Variants in CDC42BPA observed in about 807,000 individuals in gnomAD.
CDC42BPA encodes CDC42 binding protein kinase alpha.
In CDC42BPA, 80 loss-of-function variants were observed where a neutral mutation model predicts 223.5. That is an observed-to-expected ratio of 0.36 (90% CI 0.30 to 0.43). The LOEUF (loss-of-function observed/expected upper bound fraction) is 0.43, where lower values mean the gene tolerates loss of function less well. CDC42BPA is among the 20% of genes least tolerant of loss of function. The pLI is 1.00. For missense variants in CDC42BPA, 1,743 were observed against 2,099.9 expected (o/e 0.83, Z 3.32); for synonymous variants, 694 against 718.6 (o/e 0.97, Z 0.55).
chr1:227,213,250 A>G (rs751680738), intron 2 of CDC42BPA, 31 bp from the exon 3 acceptor site: 3 of 1,110,366 alleles, frequency 2.7e-6, no homozygotes, highest in Non-Finnish European at 3.9e-6. Context: ...ATAAATTTTA[A>G]AATAATGACA....
rs1478876583 is a variant in CDC42BPA at position 227,317,557 on chromosome 1, G to C, written c.-375C>G. Reference sequence around the variant, plus strand: ...TTCTCCTTCATTCAAAATTCAACTCGTGCAACGTAATCCTGAAACGAATCC... The same window carrying C: ...TTCTCCTTCATTCAAAATTCAACTCCTGCAACGTAATCCTGAAACGAATCC... On this transcript the variant is annotated 5_prime_UTR_variant, in exon 1 of 37. Coordinates refer to ENST00000366766, the MANE Select transcript of CDC42BPA (RefSeq NM_001394014.1). 5.1e-6 allele frequency: 2 copies of C among 395,268 alleles called. No homozygotes were observed. Among genetic ancestry groups the C allele is most frequent in the Admixed American group, 4.5e-5 (1 of 22,396 alleles). 24.5% of individuals were successfully genotyped at this position (395,268 alleles called of 1,614,324 possible).
intron 34 of CDC42BPA, among the ~76,000 whole-genome samples, chr1:227,006,947 T>TAA (rs1178778643): frequency 1.8e-5 from 2 of 109,394 alleles, no homozygotes; most frequent in South Asian, 3.0e-4. Context: ...TGAGACTCCG[T>TAA]CTCAACAACA....
At chr1:227,186,516 G>T (rs1668795408) in intron 5 of CDC42BPA, among the ~76,000 whole-genome samples, 1 of 152,152 alleles carries the variant, frequency 6.6e-6, no homozygotes, top group African/African-American at 2.4e-5. Context: ...AAGGCAGGAA[G>T]GGAGGTACAG....
chr1:227,234,759 C>G (rs561680137), intron 2 of CDC42BPA: 1 of 152,368 alleles, frequency 6.6e-6, no homozygotes, highest in South Asian at 2.1e-4. Context: ...CCTCACTACA[C>G]GCCTTCCTAC....
intron 16 of CDC42BPA, among the ~76,000 whole-genome samples, chr1:227,085,205 A>G (rs1169476037): frequency 6.6e-6 from 1 of 150,654 alleles, no homozygotes; most frequent in Non-Finnish European, 1.5e-5. Flanking sequence ...CCCCACATAC[A>G]CTCACTCTAT....
chr1:227,148,772 C>CAAAAAAAAAAAAAA (rs57635319), intron 6 of CDC42BPA, among the ~76,000 whole-genome samples: 4 of 78,786 alleles, frequency 5.1e-5, no homozygotes, highest in African/African-American at 1.7e-4. Flanking sequence ...GTCTCAAAAG[C>CAAAAAAAAAAAAAA]AAAAAAAAAA....
intron 2 of CDC42BPA, among the ~76,000 whole-genome samples, chr1:227,216,479 G>C (rs938570571): frequency 1.3e-5 from 2 of 152,194 alleles, no homozygotes; most frequent in African/African-American, 4.8e-5. Flanking sequence ...AATAAGGTGA[G>C]TGTGGTGAAA....
chr1:227,102,569 T>G (rs997098905), intron 14 of CDC42BPA, among the ~76,000 whole-genome samples: 15 of 152,124 alleles, frequency 9.9e-5, no homozygotes, highest in African/African-American at 3.6e-4. Flanking sequence ...GGCAGCAGCA[T>G]GTACAGTAAG....
chr1:227,104,408 T>A (rs1415574291), intron 14 of CDC42BPA, among the ~76,000 whole-genome samples: 1 of 152,182 alleles, frequency 6.6e-6, no homozygotes, highest in Non-Finnish European at 1.5e-5. Context: ...TTATAATCAC[T>A]AAAATTATGT....
intron 1 of CDC42BPA, among the ~76,000 whole-genome samples, chr1:227,305,413 A>C (rs114401977): frequency 6.6e-6 from 1 of 152,138 alleles, no homozygotes; most frequent in African/African-American, 2.4e-5. Flanking sequence ...ACATTTGTAT[A>C]ATGTCTGCAT....
intron 23 of CDC42BPA, among the ~76,000 whole-genome samples, chr1:227,040,498 T>C (rs1463105544): frequency 1.3e-5 from 2 of 152,138 alleles, no homozygotes; most frequent in South Asian, 2.1e-4. Context: ...AAATAAACAA[T>C]AGCTTTTTTG....
At chr1:227,209,169 G>A (rs1410020168) in intron 3 of CDC42BPA, among the ~76,000 whole-genome samples, 2 of 134,096 alleles carry the variant, frequency 1.5e-5, no homozygotes, top group African/African-American at 5.9e-5. Flanking sequence ...TCTGTTGTTG[G>A]TGTATAAGAA....
intron 24 of CDC42BPA, among the ~76,000 whole-genome samples, chr1:227,039,682 C>T (rs1461604724): frequency 6.6e-6 from 1 of 151,454 alleles, no homozygotes; most frequent in Non-Finnish European, 1.5e-5. Flanking sequence ...GTTCCATAAA[C>T]ATGTGATGAA....
intron 16 of CDC42BPA, among the ~76,000 whole-genome samples, chr1:227,089,833 G>A (rs1682754515): frequency 6.6e-6 from 1 of 151,924 alleles, no homozygotes; most frequent in Non-Finnish European, 1.5e-5. Flanking sequence ...GGCTAACAAT[G>A]AAATTAAACC....
chr1:227,077,766 G>A (rs1679805566), intron 17 of CDC42BPA, among the ~76,000 whole-genome samples: 2 of 151,982 alleles, frequency 1.3e-5, no homozygotes, highest in South Asian at 4.1e-4. Context: ...CCCAAGGGTG[G>A]TTACCCCTCT....
At chr1:227,156,423 AAAGACTTTGAGAGGCCTGCCATAGGCC>A (rs1662802407) in intron 6 of CDC42BPA, among the ~76,000 whole-genome samples, 1 of 2,460 alleles carries the variant, frequency 4.1e-4, no homozygotes, top group African/African-American at 5.2e-3. Context: ...CCAAAGTCTC[AAAGACTTTGAGAGGCCTGCCATAGGCC>A]TCTCAAAGAC....
At chr1:227,036,358 C>T (rs12405686) in intron 24 of CDC42BPA, among the ~76,000 whole-genome samples, 23,317 of 151,516 alleles carry the variant, frequency 0.15, 2,179 homozygotes, top group African/African-American at 0.25. Context: ...AATGATCCTC[C>T]TGTCTTAGCC....
At chr1:227,222,189 GC>G (rs1466277882) in intron 2 of CDC42BPA, among the ~76,000 whole-genome samples, 1 of 151,744 alleles carries the variant, frequency 6.6e-6, no homozygotes, top group African/African-American at 2.4e-5. Context: ...CTGCACTCCA[GC>G]CTGGGTGACA....
intron 2 of CDC42BPA, among the ~76,000 whole-genome samples, chr1:227,233,126 T>G (rs1678336182): frequency 6.6e-6 from 1 of 152,248 alleles, no homozygotes; most frequent in Non-Finnish European, 1.5e-5. Context: ...ACCTGTCTTC[T>G]GCGTCACTCA....
Sources: gnomAD v4.1 joint callset for allele counts (sites outside exome capture counted in the v4.1 genomes callset) on GRCh38, gnomAD v4.1.1 for gene constraint, MANE v1.5 for transcripts, NCBI Gene and HGNC (gene_info 2026-07-23, HGNC 2026-07-21) for gene names.